Variants in EPB41L4A observed in about 807,000 individuals in gnomAD.
The protein encoded by EPB41L4A is erythrocyte membrane protein band 4.1 like 4A.
Under a neutral mutation model 108.6 loss-of-function variants are expected in EPB41L4A, and 100 were observed. That is an observed-to-expected ratio of 0.92 (90% CI 0.78 to 1.09). The LOEUF is 1.09. EPB41L4A is among the 50% of genes least tolerant of loss of function. EPB41L4A has a pLI of 0.00. For synonymous variants in EPB41L4A, 319 were observed against 289.0 expected (o/e 1.10, Z -1.05); for missense variants, 1,030 against 842.7 (o/e 1.22, Z -2.75).
chr5:112,300,533 T>C (rs1754283633), intron 2 of EPB41L4A, among the ~76,000 whole-genome samples: 1 of 152,136 alleles, frequency 6.6e-6, no homozygotes, highest in Non-Finnish European at 1.5e-5. Flanking sequence ...ATCTGATAGG[T>C]TTTCCTTTAT....
At chr5:112,325,716 C>T (rs768511275) in intron 1 of EPB41L4A, among the ~76,000 whole-genome samples, 3 of 152,260 alleles carry the variant, frequency 2.0e-5, no homozygotes, top group Non-Finnish European at 4.4e-5. Flanking sequence ...GAGTTGGGGA[C>T]GTAGGTTTCA....
At chr5:112,202,027 A>G (rs948483063) in intron 15 of EPB41L4A, among the ~76,000 whole-genome samples, 9 of 152,174 alleles carry the variant, frequency 5.9e-5, no homozygotes, top group Non-Finnish European at 1.2e-4. Flanking sequence ...GAAAGCCTGG[A>G]AATTTTATAT....
In EPB41L4A at chr5:112,259,956, G is replaced by T. The variant is rs368174053; in HGVS notation, c.666C>A (p.Phe222Leu). The T allele has an allele frequency of 3.7e-6, 6 of 1,613,768 alleles. No individual in the cohort carries two copies. In the African/African-American group the frequency reaches 8.0e-5, roughly 22 times the overall value. Residue 222 changes from phenylalanine to leucine, a missense_variant, in exon 8 of 23, where the codon TTC becomes TTA. By Grantham distance (22) the Phe-to-Leu change is conservative (BLOSUM62 0). Transcript: ENST00000261486. ...PVYGENKSEYFLGLTPVGVVV... is the reference protein window; with the variant it reads ...PVYGENKSEYLLGLTPVGVVV... ...CAACACCAACCGGAGTTAATCCTAA[G>T]AAATACTCAGACTTGTTTTCTCCCT...
chr5:112,348,047 T>G (rs891088350), intron 1 of EPB41L4A, among the ~76,000 whole-genome samples: 16 of 152,316 alleles, frequency 1.1e-4, no homozygotes, highest in Middle Eastern at 3.4e-3. Flanking sequence ...CAGTCTATGT[T>G]TATCTCCAAC....
At chr5:112,208,178 G>A (rs917173340) in intron 13 of EPB41L4A, among the ~76,000 whole-genome samples, 7 of 146,656 alleles carry the variant, frequency 4.8e-5, no homozygotes, top group Admixed American at 1.4e-4. Context: ...CCCAGGATGC[G>A]GAGGTTGCAG....
chr5:112,351,775 A>G (rs1026303236), intron 1 of EPB41L4A, among the ~76,000 whole-genome samples: 18 of 152,174 alleles, frequency 1.2e-4, no homozygotes, highest in Admixed American at 2.0e-4. Context: ...ATCCAGCAAC[A>G]TATCAAAAAA....
chr5:112,172,402 C>CT (rs1405220649), intron 18 of EPB41L4A, among the ~76,000 whole-genome samples: 1 of 151,302 alleles, frequency 6.6e-6, no homozygotes, highest in Non-Finnish European at 1.5e-5. Flanking sequence ...ATTCCAACTG[C>CT]TTAGGAGGTT....
At chr5:112,154,631 A>G (rs183658307) in intron 12 of EPB41L4A, among the ~76,000 whole-genome samples, 1 of 152,336 alleles carries the variant, frequency 6.6e-6, no homozygotes, top group East Asian at 1.9e-4. Context: ...AAAAATTGGA[A>G]CAACATGGAA....
At chr5:112,412,094 T>C (rs994390968) in intron 1 of EPB41L4A, among the ~76,000 whole-genome samples, 1 of 152,226 alleles carries the variant, frequency 6.6e-6, no homozygotes, top group Non-Finnish European at 1.5e-5. Context: ...AACAATACAC[T>C]GCAGCACATG....
intron 1 of EPB41L4A, among the ~76,000 whole-genome samples, chr5:112,393,223 C>T (rs1197667000): frequency 6.6e-6 from 1 of 151,830 alleles, no homozygotes; most frequent in East Asian, 1.9e-4. Context: ...TAGCAGAAAG[C>T]AAGAAATAAC....
intron 12 of EPB41L4A, among the ~76,000 whole-genome samples, chr5:112,148,011 CCT>C (rs1477426562): frequency 1.3e-5 from 2 of 151,412 alleles, no homozygotes; most frequent in East Asian, 3.9e-4. Flanking sequence ...TGCACTCCAG[CCT>C]GGGTGACAGA....
intron 1 of EPB41L4A, among the ~76,000 whole-genome samples, chr5:112,409,137 A>G (rs538451111): frequency 9.3e-5 from 14 of 150,866 alleles, no homozygotes; most frequent in Admixed American, 1.3e-4. Context: ...ATACAATGGA[A>G]TATTATTCAG....
At chr5:112,351,573 C>A (rs960170075) in intron 1 of EPB41L4A, among the ~76,000 whole-genome samples, 2 of 152,124 alleles carry the variant, frequency 1.3e-5, no homozygotes, top group Non-Finnish European at 2.9e-5. Flanking sequence ...AAAACTATTT[C>A]AAAAACCTGA....
chr5:112,269,249 C>CT (rs1308214316), intron 4 of EPB41L4A, among the ~76,000 whole-genome samples: 1 of 151,854 alleles, frequency 6.6e-6, no homozygotes, highest in African/African-American at 2.4e-5. Flanking sequence ...TATCACAGAT[C>CT]TTTAACTCAC....
intron 1 of EPB41L4A, among the ~76,000 whole-genome samples, chr5:112,361,366 G>A (rs1400757663): frequency 1.3e-5 from 2 of 152,194 alleles, no homozygotes; most frequent in African/African-American, 4.8e-5. Flanking sequence ...CAAGTACCCA[G>A]GGACACAAAC....
At chr5:112,204,970 T>C (rs879392731) in intron 14 of EPB41L4A, among the ~76,000 whole-genome samples, 1 of 152,160 alleles carries the variant, frequency 6.6e-6, no homozygotes, top group Non-Finnish European at 1.5e-5. Flanking sequence ...GAACTATAAG[T>C]TACAACACAG....
At chr5:112,353,919 C>T (rs1370271691) in intron 1 of EPB41L4A, among the ~76,000 whole-genome samples, 5 of 152,142 alleles carry the variant, frequency 3.3e-5, no homozygotes, top group Admixed American at 3.3e-4. Flanking sequence ...TAATGCAGGC[C>T]TGTTCTCAGG....
At chr5:112,255,346 G>A (rs535925770) in intron 9 of EPB41L4A, among the ~76,000 whole-genome samples, 28 of 152,036 alleles carry the variant, frequency 1.8e-4, no homozygotes, top group Non-Finnish European at 3.7e-4. Flanking sequence ...TCATTCCCCC[G>A]TTAATGGAAT....
At chr5:112,331,585 C>T (rs1756571052) in intron 1 of EPB41L4A, among the ~76,000 whole-genome samples, 1 of 152,202 alleles carries the variant, frequency 6.6e-6, no homozygotes, top group Non-Finnish European at 1.5e-5. Flanking sequence ...GGGGCCAGAG[C>T]AGCTGAGGGT....
Sources: allele counts gnomAD v4.1 joint callset (sites outside exome capture counted in the v4.1 genomes callset), GRCh38; gene constraint gnomAD v4.1.1; transcripts MANE v1.5; gene names NCBI Gene and HGNC (gene_info 2026-07-23, HGNC 2026-07-21).